NF1: variants seen among roughly 807,000 people sequenced by gnomAD.
NF1 encodes the protein neurofibromin 1, also known as neurofibromin.
Under a neutral mutation model 325.7 loss-of-function variants are expected in NF1, and 122 were observed. The observed-to-expected ratio is 0.37, with a 90% CI of 0.32 to 0.44. NF1 has a LOEUF of 0.44. Among genes scored for constraint, NF1 ranks in the 20% least tolerant of loss-of-function variants. NF1 has a pLI of 1.00. For missense variants in NF1, 2,140 were observed against 3,415.4 expected (o/e 0.63, Z 9.31); for synonymous variants, 1,091 against 1,186.0 (o/e 0.92, Z 1.65).
intron 36 of NF1, chr17:31,304,921 T>G (rs772421430): frequency 1.9e-6 from 3 of 1,614,162 alleles, no homozygotes; most frequent in Non-Finnish European, 2.5e-6. Flanking sequence ...TAAAACTGGT[T>G]TCCTTAAGCA....
rs137953656 is a variant in NF1 at position 31,304,468 on chromosome 17, T to C, written c.4836-21352T>C. 2.5e-4 allele frequency: 403 copies of C among 1,614,122 alleles called. 1 individual carries two copies. In the African/African-American group the frequency reaches 4.7e-3, roughly 19 times the overall value. On this transcript the variant is annotated intron_variant, in intron 36 of 57. Transcript: ENST00000358273. ...AGATTTATGATCTCCACAGTCTTGA[T>C]TGAGACAGTCCAGAGATGGAGGGAG...
At chr17:31,213,278 T>C (rs1385070513) in intron 12 of NF1, among the ~76,000 whole-genome samples, 1 of 152,228 alleles carries the variant, frequency 6.6e-6, no homozygotes, top group Admixed American at 6.5e-5. Flanking sequence ...GCAAACTATT[T>C]GGAAGTTTTG....
Position 31,360,963 on chromosome 17 carries a change from A to G in NF1, c.8377+260A>G, listed in dbSNP as rs543261393. On this transcript the variant is annotated intron_variant, in intron 57 of 57. Coordinates refer to ENST00000358273, the MANE Select transcript of NF1 (RefSeq NM_001042492.3). The stretch of plus-strand genomic sequence containing the variant: ...GTTGACAAGTTTGTAGAGTTTGGGC[A>G]GGAAGAGGAACTTAAAACACATTAT... 255 of 518,980 alleles carry G rather than the reference A, an allele frequency of 4.9e-4. 1 individual carries two copies. The highest frequency in any genetic ancestry group is 7.1e-4 in the Non-Finnish European group (205 of 288,260). 32.1% of individuals were successfully genotyped at this position (518,980 alleles called of 1,614,324 possible). A position where few individuals can be genotyped will look rare whatever the true frequency, so the allele number is the denominator to read the frequency against.
chr17:31,272,580 C>A (rs1327660979), intron 36 of NF1: 1 of 152,128 alleles, frequency 6.6e-6, no homozygotes, highest in Non-Finnish European at 1.5e-5. Context: ...TGGGCTTATC[C>A]CAGGATTGGG....
At chr17:31,279,302 G>A (rs1382492471) in intron 36 of NF1, among the ~76,000 whole-genome samples, 1 of 152,196 alleles carries the variant, frequency 6.6e-6, no homozygotes, top group Non-Finnish European at 1.5e-5. Context: ...ATTTCTGAAA[G>A]CAGTTCAGGC....
chr17:31,163,100 CTGTG>C, intron 3 of NF1, 82 bp from the exon 4 acceptor site: 1 of 1,303,384 alleles, frequency 7.7e-7, no homozygotes, highest in Non-Finnish European at 1.1e-6. Context: ...TATTTTTGTT[CTGTG>C]TGTGTGTTTG....
chr17:31,193,185 C>T (rs1300310816), intron 8 of NF1, among the ~76,000 whole-genome samples: 1 of 152,162 alleles, frequency 6.6e-6, no homozygotes, highest in Non-Finnish European at 1.5e-5. Flanking sequence ...AATGCCAGTT[C>T]TTAGTTTCTA....
At chr17:31,148,248 A>C (rs757467305) in intron 1 of NF1, among the ~76,000 whole-genome samples, 4 of 152,228 alleles carry the variant, frequency 2.6e-5, no homozygotes, top group Non-Finnish European at 4.4e-5. Context: ...AATATGTTTC[A>C]ATAAATTGCC....
intron 1 of NF1, among the ~76,000 whole-genome samples, chr17:31,111,140 C>T (rs1913374767): frequency 6.6e-6 from 1 of 150,946 alleles, no homozygotes; most frequent in South Asian, 2.1e-4. Flanking sequence ...GGTTCAGTAG[C>T]AGACTATACA....
At chr17:31,343,660 A>G (rs1160471536) in intron 48 of NF1, among the ~76,000 whole-genome samples, 2 of 152,200 alleles carry the variant, frequency 1.3e-5, no homozygotes, top group African/African-American at 4.8e-5. Flanking sequence ...CTGAAAAACA[A>G]AAGAGTTTAT....
chr17:31,213,657 G>T (rs563381857), intron 12 of NF1, among the ~76,000 whole-genome samples: 84 of 152,266 alleles, frequency 5.5e-4, no homozygotes, highest in Middle Eastern at 3.4e-3. Flanking sequence ...GAATATAATT[G>T]TTGGATTTTT....
intron 1 of NF1, among the ~76,000 whole-genome samples, chr17:31,119,402 T>C (rs4795573): frequency 0.55 from 82,762 of 151,800 alleles, 26,073 homozygotes; most frequent in Middle Eastern, 0.76. Flanking sequence ...GTTTTTTGGC[T>C]GCATAAATAT....
At chr17:31,263,031 A>ATAGGTAGGTAGGTAGGTAGGTAGGTAGG (rs756455807) in intron 35 of NF1, among the ~76,000 whole-genome samples, 2 of 145,522 alleles carry the variant, frequency 1.4e-5, no homozygotes, top group African/African-American at 5.4e-5. Context: ...AGATAGATAG[A>ATAGGTAGGTAGGTAGGTAGGTAGGTAGG]TAGATAGGTA....
chr17:31,348,655 C>A (rs2525567), intron 48 of NF1, among the ~76,000 whole-genome samples: 72,396 of 148,202 alleles, frequency 0.49, 19,725 homozygotes, highest in Non-Finnish European at 0.62. Flanking sequence ...TTTCCCTTAA[C>A]TGATATTGTA....
chr17:31,190,161 C>T (rs555957759), intron 8 of NF1, among the ~76,000 whole-genome samples: 2 of 150,458 alleles, frequency 1.3e-5, no homozygotes, highest in African/African-American at 2.4e-5. Flanking sequence ...GAGGCTGAGC[C>T]GGGGAGAATT....
chr17:31,143,785 G>A (rs1301992102), intron 1 of NF1, among the ~76,000 whole-genome samples: 2 of 151,890 alleles, frequency 1.3e-5, no homozygotes, highest in Non-Finnish European at 2.9e-5. Flanking sequence ...TCAGTACTTG[G>A]TCATGTCTCT....
At chr17:31,341,688 GGTGTGTGT>G (rs142968323) in intron 47 of NF1, among the ~76,000 whole-genome samples, 23 of 147,018 alleles carry the variant, frequency 1.6e-4, no homozygotes, top group Non-Finnish European at 2.7e-4. Flanking sequence ...GTGCTAATGG[GGTGTGTGT>G]GTGTGTGTGC....
In NF1 at chr17:31,182,638, C is replaced by T. The variant is rs749949219; in HGVS notation, c.861C>T (p.Asp287=). ...AAATAATCCAGGATATATCCAAAGA[C>T]GTGGTTGATGAAAACAACATGAATA... ...CPEIIQDISK[D]VVDENNMNKK... The change falls in exon 8 of 58, where the codon GAC becomes GAT. Residue 287 remains aspartate (D), a synonymous_variant. Coordinates refer to ENST00000358273, the MANE Select transcript of NF1 (RefSeq NM_001042492.3). 67 of 1,613,510 alleles carry T rather than the reference C, an allele frequency of 4.2e-5. No homozygotes were observed. The highest frequency in any genetic ancestry group is 8.9e-5 in the East Asian group (4 of 44,866).
chr17:31,129,853 C>T (rs1915202986), intron 1 of NF1, among the ~76,000 whole-genome samples: 1 of 151,998 alleles, frequency 6.6e-6, no homozygotes, highest in Non-Finnish European at 1.5e-5. Context: ...TGGGTTTCAA[C>T]ATTCTCCTGA....
Sources: gnomAD v4.1 joint callset for allele counts (sites outside exome capture counted in the v4.1 genomes callset) on GRCh38, gnomAD v4.1.1 for gene constraint, MANE v1.5 for transcripts, NCBI Gene and HGNC (gene_info 2026-07-23, HGNC 2026-07-21) for gene names.